Variants in SCRIB observed in about 807,000 individuals in gnomAD.
SCRIB encodes the protein protein scribble homolog.
SCRIB carries 72 observed loss-of-function variants against 170.0 expected under a neutral mutation model. The ratio of observed to expected loss-of-function variants is 0.42; its 90% confidence interval spans 0.35 to 0.52. The LOEUF (loss-of-function observed/expected upper bound fraction) is 0.52, where lower values mean the gene tolerates loss of function less well. Among genes scored for constraint, SCRIB ranks in the 20% least tolerant of loss-of-function variants. The pLI, the probability that SCRIB is intolerant of heterozygous loss-of-function variation, is 0.02. For synonymous variants in SCRIB, 1,298 were observed against 1,044.3 expected (o/e 1.24, Z -4.68); for missense variants, 2,475 against 2,338.5 (o/e 1.06, Z -1.20).
chr8:143,792,246 C>T lies in SCRIB; in HGVS notation c.4488G>A (p.Glu1496=), dbSNP rs1554632959. The T allele has an allele frequency of 1.3e-6, 2 of 1,574,212 alleles. No homozygotes were observed. Among genetic ancestry groups the T allele is most frequent in the South Asian group, 1.1e-5 (1 of 87,686 alleles). ...SPAELRALEA[E]KRALWRAARM... The stretch of plus-strand genomic sequence containing the variant: ...TGGCTGCCCTCCACAGCGCACGCTT[C>T]TCGGCCTCCAGGGCCCGGAGCTCGG... Residue 1496 remains glutamate, a synonymous_variant, in exon 32 of 37, where the codon GAG becomes GAA. Coordinates refer to ENST00000356994, the MANE Select transcript of SCRIB (RefSeq NM_182706.5).
At chr8:143,797,126 G>A (rs544259718) in intron 24 of SCRIB, among the ~76,000 whole-genome samples, 50 of 152,348 alleles carry the variant, frequency 3.3e-4, no homozygotes, top group African/African-American at 1.2e-3. Context: ...ATGGAGAGAA[G>A]CCCAGCACAT....
At position 143,791,551 on chromosome 8, in the gene SCRIB, G is replaced by T. The variant is rs374798078; in HGVS notation, c.4771-111C>A. The T allele has an allele frequency of 5.1e-6, 8 of 1,567,852 alleles. No homozygotes were observed. In the African/African-American group the frequency reaches 5.4e-5, roughly 11 times the overall value. On this transcript the variant is annotated intron_variant, in intron 35 of 36. Transcript: ENST00000356994. Reference sequence around the variant, plus strand: ...CCACAGAGCCCGGCTGAAGGGGGAGGGGGGGTGAAGAGGCAGGGCCACGGC... The same window carrying T: ...CCACAGAGCCCGGCTGAAGGGGGAGTGGGGGTGAAGAGGCAGGGCCACGGC...
At position 143,813,230 on chromosome 8, in the gene SCRIB, C is replaced by T. The variant is rs184943529; in HGVS notation, c.567+81G>A. 1.9e-4 allele frequency: 298 copies of T among 1,596,430 alleles called. 1 individual carries two copies. Among genetic ancestry groups the T allele is most frequent in the Middle Eastern group, 1.4e-3 (8 of 5,674 alleles). On this transcript the variant is annotated intron_variant, in intron 6 of 36. Coordinates refer to ENST00000356994, the MANE Select transcript of SCRIB (RefSeq NM_182706.5). ...GCCCTCCCGAGGTGCCCCTTGCTGTCGGATCTGCTCGCTGTCCCCTTCTTT... is the reference window on the plus strand; with the variant it reads ...GCCCTCCCGAGGTGCCCCTTGCTGTTGGATCTGCTCGCTGTCCCCTTCTTT...
intron 19 of SCRIB, 26 bp from the exon 20 acceptor site, chr8:143,805,040 G>T: frequency 6.3e-7 from 1 of 1,582,274 alleles, no homozygotes; most frequent in East Asian, 2.3e-5. Context: ...GAGGAGGCAG[G>T]GCTGCCGGTG....
Position 143,792,852 on chromosome 8 carries a change from G to C in SCRIB, c.4033C>G (p.Pro1345Ala). 1 of 1,525,040 alleles carries C rather than the reference G, an allele frequency of 6.6e-7. No homozygotes were observed. Among genetic ancestry groups the C allele is most frequent in the South Asian group, 1.3e-5 (1 of 78,950 alleles). 94.5% of individuals were successfully genotyped at this position (1,525,040 alleles called of 1,614,324 possible). A position where few individuals can be genotyped will look rare whatever the true frequency, so the allele number is the denominator to read the frequency against. ...GACAGCTGCTCCGGGGAGGCTGCAG[G>C]CCCAGGCGTGGGGGGCTGGGGGGAG... ...DAPAQPPTPG[P>A]AASPEQLSFR... Residue 1345 changes from proline to alanine, a missense_variant, in exon 30 of 37, where the codon CCT becomes GCT. Pro to Ala is a conservative substitution (Grantham distance 27). Transcript: ENST00000356994.
Position 143,791,723 on chromosome 8 carries a change from C to G in SCRIB, c.4713G>C (p.Lys1571Asn). 1 of 1,600,592 alleles carries G rather than the reference C, an allele frequency of 6.2e-7. No homozygotes were observed. The highest frequency in any genetic ancestry group is 8.5e-7 in the Non-Finnish European group (1 of 1,170,116). Reference protein sequence around the residue: ...SPGRLPLSGKKFDYRAFAALP... With the variant: ...SPGRLPLSGKNFDYRAFAALP... The stretch of plus-strand genomic sequence containing the variant: ...GGGCCGCAAAGGCCCTGTAGTCAAA[C>G]TTCTTTCCAGACAAGGGCTTGAAAG... The change falls in exon 35 of 37, where the codon AAG becomes AAC. Residue 1571 changes from lysine (K) to asparagine (N), a missense_variant. Around this residue, in one of 3 missense-constraint regions of SCRIB, gnomAD observed 1,966 missense variants for 1,742.9 expected, o/e 1.13. Transcript: ENST00000356994.
intron 34 of SCRIB, 41 bp downstream of exon 34, chr8:143,791,835 G>A: frequency 6.5e-7 from 1 of 1,528,216 alleles, no homozygotes; most frequent in Non-Finnish European, 8.8e-7. Context: ...CCACCCCCAT[G>A]CCTCGGGGGT....
Position 143,804,733 on chromosome 8 carries a change from C to A in SCRIB, c.2844G>T (p.Arg948=). 6.3e-7 allele frequency: 1 copy of A among 1,595,552 alleles called. No homozygotes were observed. The highest frequency in any genetic ancestry group is 8.5e-7 in the Non-Finnish European group (1 of 1,171,476). ...ASPTIALLLE[R]EAGGPLPPSP... ...TGGGAGGAAGAGGGCCCCCAGCCTC[C>A]CGCTCCAACAGCAGGGCGATGGTGG... Residue 948 remains arginine (R), a synonymous_variant, in exon 21 of 37, where the codon CGG becomes CGT. Transcript: ENST00000356994.
chr8:143,800,801 G>A (rs1225338781), intron 24 of SCRIB, among the ~76,000 whole-genome samples: 3 of 152,338 alleles, frequency 2.0e-5, no homozygotes, highest in Admixed American at 6.5e-5. Flanking sequence ...GCTTGAGCCC[G>A]GCAGGGCGAG....
At chr8:143,812,193 A>G (rs1815763898) in intron 9 of SCRIB, 73 bp downstream of exon 9, 2 of 994,956 alleles carry the variant, frequency 2.0e-6, no homozygotes, top group Non-Finnish European at 3.2e-6. Flanking sequence ...AGCAGCAGAC[A>G]CAGGCTGATG....
rs781982440 is a variant in SCRIB at position 143,795,296 on chromosome 8, G to A, written c.3752C>T (p.Pro1251Leu). 6.2e-7 allele frequency: 1 copy of A among 1,612,508 alleles called. No homozygotes were observed. Among genetic ancestry groups the A allele is most frequent in the Non-Finnish European group, 8.5e-7 (1 of 1,179,910 alleles). ...ELPGQTLHWG[P>L]EATEAAGRGL... ...ACTCACTGCGGCTTCTGTGGCCTCG[G>A]GCCCCCAGTGCAGGGTCTGTCCAGG... The change falls in exon 26 of 37, where the codon CCC becomes CTC. Residue 1251 changes from proline to leucine, a missense_variant. By Grantham distance (98) the Pro-to-Leu change is moderately conservative (BLOSUM62 -3). Coordinates refer to ENST00000356994, the MANE Select transcript of SCRIB (RefSeq NM_182706.5).
At chr8:143,811,895 A>G (rs1815743856) in intron 9 of SCRIB, among the ~76,000 whole-genome samples, 1 of 152,180 alleles carries the variant, frequency 6.6e-6, no homozygotes, top group Non-Finnish European at 1.5e-5. Context: ...CTGGTGCCTC[A>G]GCTTGCCCTG....
chr8:143,797,900 G>C (rs1245342172), intron 24 of SCRIB, among the ~76,000 whole-genome samples: 2 of 152,364 alleles, frequency 1.3e-5, no homozygotes, highest in East Asian at 3.9e-4. Flanking sequence ...GAGTGTCAGA[G>C]GTTCTTTGTC....
In SCRIB at chr8:143,811,224, C is replaced by A; in HGVS notation, c.1028G>T (p.Arg343Met). 6.2e-7 allele frequency: 1 copy of A among 1,611,632 alleles called. No homozygotes were observed. The highest frequency in any genetic ancestry group is 2.2e-5 in the East Asian group (1 of 44,802). ...GCVALSVLSL[R>M]DNRLAVLPPE... ...TGGCAGGACGGCCAGGCGGTTGTCC[C>A]TCAAGGAGAGGACGCTGAGTGCCAC... The change falls in exon 10 of 37, where the codon AGG (arginine) becomes ATG (methionine). Residue 343 changes from arginine (R) to methionine (M), a missense_variant. Arg to Met is a moderately conservative substitution (Grantham distance 91, BLOSUM62 -1). Around this residue, in one of 3 missense-constraint regions of SCRIB, gnomAD observed 487 missense variants for 558.1 expected, o/e 0.87. Transcript: ENST00000356994.
chr8:143,804,036 G>A lies in SCRIB; in HGVS notation c.3120+10C>T, dbSNP rs201052379. ...ACCTCTCACAGAACCGCCTGGATGG[G>A]CCGCCCTACCTTGGAGATGAACACA... On this transcript the variant is annotated intron_variant, in intron 22 of 36. Coordinates refer to ENST00000356994, the MANE Select transcript of SCRIB (RefSeq NM_182706.5). The A allele has an allele frequency of 6.3e-7, 1 of 1,599,504 alleles. No homozygotes were observed. The highest frequency in any genetic ancestry group is 8.5e-7 in the Non-Finnish European group (1 of 1,170,702).
At chr8:143,804,860 G>T in intron 20 of SCRIB, 35 bp from the exon 21 acceptor site, 3 of 1,481,684 alleles carry the variant, frequency 2.0e-6, no homozygotes, top group Non-Finnish European at 2.7e-6. Context: ...GAGGCCCAAG[G>T]GCAGAAGGGG....
intron 16 of SCRIB, 72 bp downstream of exon 16, chr8:143,807,480 A>G: frequency 8.4e-7 from 1 of 1,189,294 alleles, no homozygotes; most frequent in Non-Finnish European, 1.3e-6. Context: ...GGGCGGGGAG[A>G]GGCGTGAGCC....
chr8:143,792,277 G>C lies in SCRIB; in HGVS notation c.4457C>G (p.Ser1486Cys). The C allele has an allele frequency of 6.4e-7, 1 of 1,568,944 alleles. No individual in the cohort carries two copies. Among genetic ancestry groups the C allele is most frequent in the Non-Finnish European group, 8.6e-7 (1 of 1,164,786 alleles). ...PEPPAPERALSPAELRALEAE... is the reference protein window; with the variant it reads ...PEPPAPERALCPAELRALEAE... ...CTCCAGGGCCCGGAGCTCGGCAGGG[G>C]ACAGGGCACGCTCGGGTGCCGGTGG... Residue 1486 changes from serine to cysteine, a missense_variant, in exon 32 of 37, where the codon TCC becomes TGC. By Grantham distance (112) the Ser-to-Cys change is moderately radical. Coordinates refer to ENST00000356994, the MANE Select transcript of SCRIB (RefSeq NM_182706.5).
rs782729497 is a variant in SCRIB at position 143,805,393 on chromosome 8, C to T, written c.2389G>A (p.Val797Met). 7.1e-6 allele frequency: 11 copies of T among 1,543,600 alleles called. No homozygotes were observed. The highest frequency in any genetic ancestry group is 2.4e-5 in the South Asian group (2 of 84,536). ...ALQGAEHHEA[V>M]EALRGAGTAV... ...GTGCCGGCCCCCCGGAGCGCCTCCA[C>T]GGCCTCGTGGTGCTCGGCGCCCTGC... The change falls in exon 19 of 37, where the codon GTG (valine) becomes ATG (methionine). Residue 797 changes from valine to methionine, a missense_variant. Around this residue, in one of 3 missense-constraint regions of SCRIB, gnomAD observed 1,966 missense variants for 1,742.9 expected, o/e 1.13. Coordinates refer to ENST00000356994, the MANE Select transcript of SCRIB (RefSeq NM_182706.5).
Sources: gnomAD v4.1 joint callset for allele counts (sites outside exome capture counted in the v4.1 genomes callset) on GRCh38, gnomAD v4.1.1 for gene constraint, gnomAD v4.1.1 regional missense constraint, MANE v1.5 for transcripts, NCBI Gene and HGNC (gene_info 2026-07-23, HGNC 2026-07-21) for gene names.